RNFT1: variants seen among roughly 807,000 people sequenced by gnomAD.
The protein encoded by RNFT1 is E3 ubiquitin-protein ligase RNFT1.
In RNFT1, 35 loss-of-function variants were observed where a neutral mutation model predicts 53.2. The observed-to-expected ratio is 0.66, with a 90% CI of 0.50 to 0.87. The LOEUF (loss-of-function observed/expected upper bound fraction) is 0.87. RNFT1 is among the 40% of genes least tolerant of loss of function. The pLI, the probability that RNFT1 is intolerant of heterozygous loss-of-function variation, is 0.00. For synonymous variants in RNFT1, 141 were observed against 172.8 expected (o/e 0.82, Z 1.44); for missense variants, 421 against 515.0 (o/e 0.82, Z 1.77).
At chr17:59,953,699 G>A (rs1269503071) in intron 8 of RNFT1, among the ~76,000 whole-genome samples, 1 of 152,138 alleles carries the variant, frequency 6.6e-6, no homozygotes, top group Non-Finnish European at 1.5e-5. Context: ...AGGTCTTTGA[G>A]TTACTAGTAA....
chr17:59,958,458 A>T lies in RNFT1; in HGVS notation c.693-14T>A. On this transcript the variant is annotated splice_polypyrimidine_tract_variant and intron_variant, in intron 4 of 8. Transcript: ENST00000305783. ...AAAAAAATTAAGCTACCAAAAGAAA[A>T]ACATCAAAATTTATCAGAGCAACAT... The T allele has an allele frequency of 6.5e-7, 1 of 1,546,840 alleles. No individual in the cohort carries two copies. The highest frequency in any genetic ancestry group is 8.7e-7 in the Non-Finnish European group (1 of 1,148,866).
rs2045259548 is a variant in RNFT1 at position 59,957,253 on chromosome 17, GTATCC to G, written c.971_975del (p.Gly324AlafsTer48). On this transcript the variant is annotated frameshift_variant, in exon 6 of 9. Transcript: ENST00000305783. LOFTEE classifies it high-confidence loss of function. The stretch of plus-strand genomic sequence containing the variant: ...AATATGAGGTAGAGTAAAGCCAGCA[GTATCC>G]CAAGACTCCATCTAGTTACGTTACC... 2 of 1,613,326 alleles carry G rather than the reference GTATCC, an allele frequency of 1.2e-6. No individual in the cohort carries two copies. Among genetic ancestry groups the G allele is most frequent in the South Asian group, 2.2e-5 (2 of 90,928 alleles).
rs755211761 is a variant in RNFT1 at position 59,958,295 on chromosome 17, G to T, written c.842C>A (p.Ser281Tyr). Residue 281 changes from serine to tyrosine, a missense_variant, in exon 5 of 9, where the codon TCT becomes TAT. Physicochemically the swap from Ser to Tyr is moderately radical, Grantham distance 144 (BLOSUM62 -2). Coordinates refer to ENST00000305783, the MANE Select transcript of RNFT1 (RefSeq NM_016125.4). Reference protein sequence around the residue: ...LVPSFIMPFKSKGYWYMLLEE... With the variant: ...LVPSFIMPFKYKGYWYMLLEE... ...AAGCATAAGTGAGTTTCTTACCTTA[G>T]ATTTAAAAGGCATGATGAAAGAAGG... is the stretch of plus-strand genomic sequence containing the variant. The T allele has an allele frequency of 1.9e-6, 3 of 1,589,734 alleles. No individual in the cohort carries two copies. The highest frequency in any genetic ancestry group is 2.7e-5 in the African/African-American group (2 of 73,238).
At position 59,952,725 on chromosome 17, in the gene RNFT1, T is replaced by G. The variant is rs1025041870; in HGVS notation, c.*252A>C. On this transcript the variant is annotated 3_prime_UTR_variant, in exon 9 of 9. Coordinates refer to ENST00000305783, the MANE Select transcript of RNFT1 (RefSeq NM_016125.4). ...ACATAAAGAAAACACATTTACAATT[T>G]AACACTGCAGTTACCTGTCAAATAA... The G allele has an allele frequency of 2.4e-4, 69 of 282,446 alleles. No individual in the cohort carries two copies. The highest frequency in any genetic ancestry group is 1.4e-3 in the African/African-American group (64 of 45,920). 17.5% of individuals were successfully genotyped at this position (282,446 alleles called of 1,614,324 possible).
chr17:59,962,870 A>G lies in RNFT1; in HGVS notation c.471T>C (p.Tyr157=). ...LFKWLQKSLP[Y]ILILSVKLVM... is the part of the protein sequence containing the mutation. ...CAAGTTTGACGCTCAGAATCAAAAT[A>G]TATGGAAGACTTTTTTGCAGCCACT... The change falls in exon 2 of 9, where the codon TAT becomes TAC. Residue 157 remains tyrosine (Y), a synonymous_variant. Transcript: ENST00000305783. 6.2e-7 allele frequency: 1 copy of G among 1,613,736 alleles called. No homozygotes were observed. Among genetic ancestry groups the G allele is most frequent in the South Asian group, 1.1e-5 (1 of 91,084 alleles).
Position 59,963,243 on chromosome 17 carries a change from T to C in RNFT1, c.98A>G (p.Lys33Arg). 1.2e-6 allele frequency: 2 copies of C among 1,612,666 alleles called. No individual in the cohort carries two copies. The highest frequency in any genetic ancestry group is 1.7e-4 in the Middle Eastern group (1 of 6,060). Residue 33 changes from lysine to arginine, a missense_variant, in exon 2 of 9, where the codon AAG (lysine) becomes AGG (arginine). By Grantham distance (26) the Lys-to-Arg change is conservative (BLOSUM62 2). Coordinates refer to ENST00000305783, the MANE Select transcript of RNFT1 (RefSeq NM_016125.4). ...PEAKTSGSEK[K>R]YLRAMQANRS... Reference sequence around the variant, plus strand: ...ATTGGCTTGCATGGCCCTTAAATACTTTTTCTCTGACCCAGATGTCTTTGC... The same window carrying C: ...ATTGGCTTGCATGGCCCTTAAATACCTTTTCTCTGACCCAGATGTCTTTGC...
chr17:59,952,936 A>G lies in RNFT1; in HGVS notation c.*41T>C. The G allele has an allele frequency of 6.3e-7, 1 of 1,584,882 alleles. No individual in the cohort carries two copies. Among genetic ancestry groups the G allele is most frequent in the Non-Finnish European group, 8.6e-7 (1 of 1,160,388 alleles). ...TGCCTTATCAGTAGTCATTATGACC[A>G]AATGACATTAGTATTTTGTGGCCTT... On this transcript the variant is annotated 3_prime_UTR_variant, in exon 9 of 9. Coordinates refer to ENST00000305783, the MANE Select transcript of RNFT1 (RefSeq NM_016125.4).
intron 3 of RNFT1, 159 bp downstream of exon 3, chr17:59,962,381 T>C: frequency 1.8e-6 from 1 of 560,734 alleles, no homozygotes; most frequent in Non-Finnish European, 3.2e-6. Flanking sequence ...GATAATTTAT[T>C]CCAGGATTTA....
rs2045276908 is a variant in RNFT1 at position 59,959,846 on chromosome 17, G to C, written c.692+222C>G. On this transcript the variant is annotated intron_variant, in intron 4 of 8. Transcript: ENST00000305783. ...AATTGCTTGAACCTGAGAGGCAAAG[G>C]TTGCAGTGAGCCAAGATCAAGACAC... 3.4e-5 allele frequency: 9 copies of C among 263,718 alleles called. No individual in the cohort carries two copies. In the South Asian group the frequency reaches 8.6e-4, roughly 25 times the overall value. 16.3% of individuals were successfully genotyped at this position (263,718 alleles called of 1,614,324 possible).
rs1440370259 is a variant in RNFT1, at chr17:59,952,379, T to C, written c.*598A>G. 1.3e-5 allele frequency: 2 copies of C among 152,236 alleles called. No homozygotes were observed. The allele number at this position is 152,236 out of a possible 1,614,324, so 9.4% of individuals were successfully genotyped here. On this transcript the variant is annotated 3_prime_UTR_variant, in exon 9 of 9. Transcript: ENST00000305783. Reference sequence around the variant, plus strand: ...AGACAAAATGAATTTAAATCATTTATTTTCACTTATTACTAATCTTACTAC... The same window carrying C: ...AGACAAAATGAATTTAAATCATTTACTTTCACTTATTACTAATCTTACTAC...
At chr17:59,960,437 C>CA (rs11406596) in intron 3 of RNFT1, among the ~76,000 whole-genome samples, 56,463 of 68,384 alleles carry the variant, frequency 0.83, 22,910 homozygotes, top group East Asian at 0.88. Flanking sequence ...AGTCTTCTCT[C>CA]AAAAAAAAAA....
chr17:59,957,410 G>A lies in RNFT1; in HGVS notation c.847-28C>T, dbSNP rs903607346. 3 of 1,584,828 alleles carry A rather than the reference G, an allele frequency of 1.9e-6. No individual in the cohort carries two copies. In the African/African-American group the frequency reaches 4.1e-5, roughly 22 times the overall value. On this transcript the variant is annotated intron_variant, in intron 5 of 8. Transcript: ENST00000305783. ...AAAAAATAAGAAGAAAACAAATAGA[G>A]CTACCCAAACTACTTAACTACATAG...
chr17:59,963,238 A>C lies in RNFT1; in HGVS notation c.103T>G (p.Leu35Val). 6.2e-7 allele frequency: 1 copy of C among 1,613,344 alleles called. No homozygotes were observed. Among genetic ancestry groups the C allele is most frequent in the Non-Finnish European group, 8.5e-7 (1 of 1,179,790 alleles). ...CTACGATTGGCTTGCATGGCCCTTAAATACTTTTTCTCTGACCCAGATGTC... is the reference window on the plus strand; with the variant it reads ...CTACGATTGGCTTGCATGGCCCTTACATACTTTTTCTCTGACCCAGATGTC... ...AKTSGSEKKY[L>V]RAMQANRSQL... Residue 35 changes from leucine to valine, a missense_variant, in exon 2 of 9, where the codon TTA (leucine) becomes GTA (valine). By Grantham distance (32) the Leu-to-Val change is conservative (BLOSUM62 1). Transcript: ENST00000305783.
chr17:59,956,460 T>C, intron 7 of RNFT1, 28 bp downstream of exon 7: 3 of 1,560,292 alleles, frequency 1.9e-6, no homozygotes, highest in Non-Finnish European at 2.6e-6. Flanking sequence ...GGTGAAGGTG[T>C]TTTTCTTAAC....
intron 8 of RNFT1, among the ~76,000 whole-genome samples, chr17:59,953,491 G>C (rs2045234972): frequency 1.3e-5 from 2 of 152,170 alleles, no homozygotes; most frequent in Admixed American, 6.5e-5. Flanking sequence ...GTGAGCCACT[G>C]TGTCCAGCCT....
At position 59,963,034 on chromosome 17, in the gene RNFT1, C is replaced by T. The variant is rs2045306425; in HGVS notation, c.307G>A (p.Val103Ile). The T allele has an allele frequency of 6.2e-7, 1 of 1,614,098 alleles. No homozygotes were observed. Among genetic ancestry groups the T allele is most frequent in the Non-Finnish European group, 8.5e-7 (1 of 1,180,048 alleles). Residue 103 changes from valine (V) to isoleucine (I), a missense_variant, in exon 2 of 9, where the codon GTC becomes ATC. Coordinates refer to ENST00000305783, the MANE Select transcript of RNFT1 (RefSeq NM_016125.4). ...ACACATCCATGGGCACAGCTATGGA[C>T]ACCTGACCTTATATTTCTGGAGCTT... The part of the protein sequence containing the change: ...NASSRNIRSG[V>I]HSCAHGCVHS...
At position 59,956,493 on chromosome 17, in the gene RNFT1, G is replaced by A; in HGVS notation, c.1066C>T (p.Gln356Ter). The A allele has an allele frequency of 1.9e-6, 3 of 1,610,178 alleles. No individual in the cohort carries two copies. The highest frequency in any genetic ancestry group is 1.1e-5 in the South Asian group (1 of 90,408). The change falls in exon 7 of 9, where the codon CAA (glutamine) becomes TAA (stop). Residue 356 changes from glutamine (Q) to a stop codon, truncating the protein, a stop_gained. Transcript: ENST00000305783. LOFTEE classifies it high-confidence loss of function. ...FRQVLRIFFT[Q>*]PSYGVAASKR... ...AACTGATAAAAAGTACTTACTGGTT[G>A]TGTAAAAAATATTCGTAAAACCTGT... is the stretch of plus-strand genomic sequence containing the variant.
chr17:59,962,458 T>C, intron 3 of RNFT1, 82 bp downstream of exon 3: 1 of 918,696 alleles, frequency 1.1e-6, no homozygotes, highest in Non-Finnish European at 1.7e-6. Flanking sequence ...TTTCAAGTTA[T>C]TTCCTATTTC....
Position 59,957,134 on chromosome 17 carries a change from CTA to C in RNFT1, c.1005+88_1005+89del. 4 of 1,296,104 alleles carry C rather than the reference CTA, an allele frequency of 3.1e-6. 1 individual carries two copies. In the South Asian group the frequency reaches 5.7e-5, roughly 19 times the overall value. 80.3% of individuals were successfully genotyped at this position (1,296,104 alleles called of 1,614,324 possible). A position where few individuals can be genotyped will look rare whatever the true frequency, so the allele number is the denominator to read the frequency against. ...TTCAAACTAGTGATATGAAGATAAA[CTA>C]TAAAACTGTTAAAAGAGGAAAACAG... On this transcript the variant is annotated intron_variant, in intron 6 of 8. Transcript: ENST00000305783.
Sources: allele counts gnomAD v4.1 joint callset (sites outside exome capture counted in the v4.1 genomes callset), GRCh38; gene constraint gnomAD v4.1.1; transcripts MANE v1.5; gene names NCBI Gene and HGNC (gene_info 2026-07-23, HGNC 2026-07-21).